The following PRPF6 variants were observed in gnomAD, a reference collection of about 807,000 sequenced individuals.
The protein encoded by PRPF6 is pre-mRNA processing factor 6.
In PRPF6, 42 loss-of-function variants were observed where a neutral mutation model predicts 118.3. That is an observed-to-expected ratio of 0.35 (90% confidence interval 0.28 to 0.46). The LOEUF is 0.46. PRPF6 is among the 20% of genes least tolerant of loss of function. The pLI is 1.00. For synonymous variants in PRPF6, 481 were observed against 485.1 expected (o/e 0.99, Z 0.11); for missense variants, 662 against 1,255.7 (o/e 0.53, Z 7.15).
At chr20:64,024,733 A>C (rs770054657) in intron 14 of PRPF6, 40 bp downstream of exon 14, 4 of 1,601,856 alleles carry the variant, frequency 2.5e-6, no homozygotes, top group Non-Finnish European at 3.4e-6. Flanking sequence ...GCCTGTGCAC[A>C]CAGGAGCTGA....
chr20:64,016,922 T>C, intron 12 of PRPF6, 77 bp downstream of exon 12: 1 of 1,566,026 alleles, frequency 6.4e-7, no homozygotes, highest in Non-Finnish European at 8.8e-7. Context: ...TATAAACTAC[T>C]AGGCTATTTT....
At chr20:63,982,038 C>T (rs1437054058) in intron 1 of PRPF6, among the ~76,000 whole-genome samples, 9 of 151,930 alleles carry the variant, frequency 5.9e-5, no homozygotes, top group Admixed American at 5.9e-4. Flanking sequence ...GGAGGAAGCC[C>T]AGGGAACAGG....
Position 64,029,669 on chromosome 20 carries a change from C to T in PRPF6, c.2546+178C>T, listed in dbSNP as rs2059306345. Among the ~76,000 whole-genome samples the T allele has an allele frequency of 6.6e-6, 1 of 152,274 alleles. No individual in the cohort carries two copies. Among genetic ancestry groups the T allele is most frequent in the Non-Finnish European group, 1.5e-5 (1 of 68,052 alleles). On this transcript the variant is annotated intron_variant, in intron 19 of 20. Transcript: ENST00000266079. This position sits in a 1 kb window ranked among gnomAD's most constrained non-coding sequence, Gnocchi z 4.8. ...GGGCAGGCGCCTCTCCTGGCAGACA[C>T]ACCTGAGGGTGCCGTGGTCAGAGAC...
chr20:64,014,425 C>T (rs963491639), intron 11 of PRPF6, among the ~76,000 whole-genome samples: 4 of 151,236 alleles, frequency 2.6e-5, no homozygotes, highest in African/African-American at 9.7e-5. Flanking sequence ...GGGGCTGAGG[C>T]GGGTGGATCA....
At position 63,988,302 on chromosome 20, in the gene PRPF6, G is replaced by A. The variant is rs910571187; in HGVS notation, c.359+3277G>A. On this transcript the variant is annotated intron_variant, in intron 3 of 20. Transcript: ENST00000266079. ...ACCACTGCACTCCAGCCTGAGTGAC[G>A]GGGCAAGACTCTGTCTCAAAAAAAA... 2.1e-3 allele frequency among the ~76,000 whole-genome samples: 298 copies of A among 144,470 alleles called. 1 individual carries two copies. The highest frequency in any genetic ancestry group is 7.4e-3 in the African/African-American group (288 of 38,800). The allele number at this position is 144,470 out of a possible 152,430, so 94.8% of individuals were successfully genotyped here. A position where few individuals can be genotyped will look rare whatever the true frequency, so the allele number is the denominator to read the frequency against.
At chr20:63,989,655 A>T (rs1431179543) in intron 3 of PRPF6, among the ~76,000 whole-genome samples, 1 of 152,000 alleles carries the variant, frequency 6.6e-6, no homozygotes, top group South Asian at 2.1e-4. Flanking sequence ...AGCTGGGATT[A>T]CAGGTGCCTG....
In PRPF6 at chr20:64,029,497, T is replaced by TG. The variant is rs750195575; in HGVS notation, c.2546+10dup. On this transcript the variant is annotated splice_region_variant and intron_variant, in intron 19 of 20. Transcript: ENST00000266079. The surrounding 1 kb of genome is among the most constrained non-coding windows in gnomAD (Gnocchi z 4.8). ...GTGCTCCTGGCCGTGGCCAAGTGAG[T>TG]GGGGCCCCCACAGGATTGCTGAACC... 9.7e-5 allele frequency: 157 copies of TG among 1,613,380 alleles called. No individual in the cohort carries two copies. Among genetic ancestry groups the TG allele is most frequent in the Admixed American group, 2.2e-4 (13 of 60,004 alleles).
At chr20:64,016,122 T>G (rs144213789) in intron 11 of PRPF6, among the ~76,000 whole-genome samples, 3 of 150,058 alleles carry the variant, frequency 2.0e-5, no homozygotes, top group Non-Finnish European at 4.4e-5. Context: ...TGACTCTCTC[T>G]CTTTTTTTTT....
At chr20:64,000,862 C>T (rs1277651338) in intron 8 of PRPF6, among the ~76,000 whole-genome samples, 4 of 152,140 alleles carry the variant, frequency 2.6e-5, no homozygotes, top group East Asian at 1.9e-4. Flanking sequence ...CCACCGCGCC[C>T]GGCCATTAGG....
intron 11 of PRPF6, 58 bp from the exon 12 acceptor site, chr20:64,016,665 T>G: frequency 6.2e-7 from 1 of 1,607,538 alleles, no homozygotes; most frequent in Non-Finnish European, 8.5e-7. Flanking sequence ...TACTCCCCGT[T>G]GGGAATCTGC....
chr20:64,014,701 G>C (rs987921508), intron 11 of PRPF6, among the ~76,000 whole-genome samples: 2 of 151,682 alleles, frequency 1.3e-5, no homozygotes, highest in Non-Finnish European at 2.9e-5. Context: ...AAATGCGTGT[G>C]ATACACCTAA....
At chr20:63,982,783 G>A (rs770360258) in intron 1 of PRPF6, among the ~76,000 whole-genome samples, 2 of 152,122 alleles carry the variant, frequency 1.3e-5, no homozygotes, top group Non-Finnish European at 2.9e-5. Context: ...TGGGTTTAAG[G>A]GCCTGGTTGG....
chr20:64,001,225 G>A lies in PRPF6; in HGVS notation c.1172G>A (p.Arg391Gln), dbSNP rs1404627211. 3.1e-6 allele frequency: 5 copies of A among 1,614,190 alleles called. No homozygotes were observed. Among genetic ancestry groups the A allele is most frequent in the Admixed American group, 1.7e-5 (1 of 60,024 alleles). The change falls in exon 9 of 21, where the codon CGG becomes CAG. Residue 391 changes from arginine (R) to glutamine (Q), a missense_variant. Physicochemically the swap from Arg to Gln is conservative, Grantham distance 43 (BLOSUM62 1). Coordinates refer to ENST00000266079, the MANE Select transcript of PRPF6 (RefSeq NM_012469.4). The stretch of plus-strand genomic sequence containing the variant: ...GAAACGGACATTCGTGCAAAGAAGC[G>A]GGTTCTTCGGAAAGGTGAGCCTCCC... ...ELETDIRAKK[R>Q]VLRKALEHVP...
chr20:63,986,836 C>A (rs2059096198), intron 3 of PRPF6, among the ~76,000 whole-genome samples: 1 of 151,136 alleles, frequency 6.6e-6, no homozygotes, highest in Non-Finnish European at 1.5e-5. Flanking sequence ...ATTCAACATT[C>A]CTTGATGATA....
rs1341679722 is a variant in PRPF6 at position 64,027,014 on chromosome 20, G to A, written c.2061G>A (p.Val687=). 1 of 1,613,924 alleles carries A rather than the reference G, an allele frequency of 6.2e-7. No homozygotes were observed. The highest frequency in any genetic ancestry group is 1.3e-5 in the African/African-American group (1 of 74,930). ...TGAAGTCTGTGAAGCTGGAGTGGGT[G>A]CAAGACAACATCAGGGCAGCCCAAG... ...VFMKSVKLEW[V]QDNIRAAQDL... The change falls in exon 16 of 21, where the codon GTG becomes GTA. Residue 687 remains valine (V), a synonymous_variant. Transcript: ENST00000266079. This position sits in a 1 kb window ranked among gnomAD's most constrained non-coding sequence, Gnocchi z 6.5.
chr20:63,999,562 G>A, intron 7 of PRPF6, 41 bp from the exon 8 acceptor site: 1 of 1,612,928 alleles, frequency 6.2e-7, no homozygotes, highest in South Asian at 1.1e-5. Context: ...GTGCACCCCT[G>A]ACAGCATGGC....
rs2059086952 is a variant in PRPF6 at position 63,984,973 on chromosome 20, G to A, written c.307G>A (p.Ala103Thr). 6.2e-7 allele frequency: 1 copy of A among 1,613,694 alleles called. No individual in the cohort carries two copies. Among genetic ancestry groups the A allele is most frequent in the African/African-American group, 1.3e-5 (1 of 74,892 alleles). Residue 103 changes from alanine (A) to threonine (T), a missense_variant, in exon 3 of 21, where the codon GCT (alanine) becomes ACT (threonine). Coordinates refer to ENST00000266079, the MANE Select transcript of PRPF6 (RefSeq NM_012469.4). ...PYEKDDEEAD[A>T]IYAALDKRMD... Reference sequence around the variant, plus strand: ...CGAGAAAGATGATGAGGAAGCAGATGCTATCTATGCAGCCCTGGATAAAAG... The same window carrying A: ...CGAGAAAGATGATGAGGAAGCAGATACTATCTATGCAGCCCTGGATAAAAG...
At chr20:63,997,169 C>T (rs1174954882) in intron 6 of PRPF6, among the ~76,000 whole-genome samples, 4 of 152,074 alleles carry the variant, frequency 2.6e-5, no homozygotes, top group Admixed American at 2.6e-4. Flanking sequence ...CCACCGTTCT[C>T]TCTGTTTCTA....
chr20:63,999,795 T>G, intron 8 of PRPF6, 36 bp downstream of exon 8: 1 of 1,611,182 alleles, frequency 6.2e-7, no homozygotes, highest in Non-Finnish European at 8.5e-7. Context: ...CCTGGGAGGC[T>G]GCGTGATTGT....
Sources: gnomAD v4.1 joint callset for allele counts (sites outside exome capture counted in the v4.1 genomes callset) on GRCh38, gnomAD v4.1.1 for gene constraint, Gnocchi (gnomAD v3.1) non-coding constraint, MANE v1.5 for transcripts, NCBI Gene and HGNC (gene_info 2026-07-23, HGNC 2026-07-21) for gene names.